Variants in NKAIN2 observed in about 807,000 individuals in gnomAD.
The protein encoded by NKAIN2 is sodium/potassium transporting ATPase interacting 2.
NKAIN2 carries 14 observed loss-of-function variants against 32.6 expected under a neutral mutation model. That is an observed-to-expected ratio of 0.43 (90% confidence interval 0.28 to 0.67). NKAIN2 has a LOEUF of 0.67. Among genes scored for constraint, NKAIN2 ranks in the 30% least tolerant of loss-of-function variants. The pLI is 0.17. For missense variants in NKAIN2, 198 were observed against 258.3 expected (o/e 0.77, Z 1.60); for synonymous variants, 80 against 87.2 (o/e 0.92, Z 0.46).
At chr6:124,044,840 T>G (rs962227568) in intron 1 of NKAIN2, among the ~76,000 whole-genome samples, 1 of 152,098 alleles carries the variant, frequency 6.6e-6, no homozygotes, top group African/African-American at 2.4e-5. Flanking sequence ...AGCTTGGAAT[T>G]TTCTTACTTG....
At chr6:124,285,713 C>G (rs1182145863) in intron 2 of NKAIN2, among the ~76,000 whole-genome samples, 2 of 152,110 alleles carry the variant, frequency 1.3e-5, no homozygotes, top group Non-Finnish European at 2.9e-5. Flanking sequence ...GGGCACCAAA[C>G]CCCCCACACA....
intron 1 of NKAIN2, among the ~76,000 whole-genome samples, chr6:124,111,147 G>A (rs1164893492): frequency 6.6e-6 from 1 of 152,038 alleles, no homozygotes; most frequent in East Asian, 1.9e-4. Context: ...GAAATACTCT[G>A]GAGAAAGATG....
At position 124,513,303 on chromosome 6, in the gene NKAIN2, C is replaced by T. The variant is rs567347662; in HGVS notation, c.274-144883C>T. On this transcript the variant is annotated intron_variant, in intron 3 of 6. Coordinates refer to ENST00000368417, the MANE Select transcript of NKAIN2 (RefSeq NM_001040214.3). ...AAATTAGGACTCTTATTAAAAAAGG[C>T]GGGTTCTCTTGAATTTTTTTCTTAC... is the stretch of plus-strand genomic sequence containing the variant. 7.2e-5 allele frequency among the ~76,000 whole-genome samples: 11 copies of T among 152,014 alleles called. No individual in the cohort carries two copies. The East Asian group carries it at 7.7e-4, about 11-fold the overall frequency.
chr6:123,889,625 A>G (rs1236038296), intron 1 of NKAIN2, among the ~76,000 whole-genome samples: 2 of 152,166 alleles, frequency 1.3e-5, no homozygotes, highest in Admixed American at 1.3e-4. Flanking sequence ...TATAAAAGAG[A>G]CTCAGAGAAA....
intron 1 of NKAIN2, among the ~76,000 whole-genome samples, chr6:124,144,987 C>T (rs913885988): frequency 1.1e-4 from 17 of 152,136 alleles, no homozygotes; most frequent in African/African-American, 4.1e-4. Flanking sequence ...GACATTTCAC[C>T]AGAGACAATA....
At chr6:124,297,381 ATATTTACTAT>A (rs1465491485) in intron 2 of NKAIN2, among the ~76,000 whole-genome samples, 1 of 152,210 alleles carries the variant, frequency 6.6e-6, no homozygotes, top group African/African-American at 2.4e-5. Context: ...AACAGAAAAC[ATATTTACTAT>A]TATGTAAAAG....
chr6:124,727,768 G>C (rs1443408793), intron 4 of NKAIN2, among the ~76,000 whole-genome samples: 4 of 107,016 alleles, frequency 3.7e-5, no homozygotes, highest in Non-Finnish European at 5.7e-5. Flanking sequence ...CTGGCAAATT[G>C]GATAAAGAGT....
intron 1 of NKAIN2, among the ~76,000 whole-genome samples, chr6:123,831,568 G>C (rs1774378649): frequency 6.6e-6 from 1 of 150,852 alleles, no homozygotes; most frequent in Non-Finnish European, 1.5e-5. Flanking sequence ...CCAAAATAAA[G>C]AGACAGGTAA....
At chr6:124,684,557 G>A (rs1018094519) in intron 4 of NKAIN2, among the ~76,000 whole-genome samples, 1 of 152,184 alleles carries the variant, frequency 6.6e-6, no homozygotes, top group African/African-American at 2.4e-5. Context: ...GATTAGGGGA[G>A]TGAATAGAGA....
intron 1 of NKAIN2, among the ~76,000 whole-genome samples, chr6:123,807,435 C>T (rs1773264832): frequency 6.6e-6 from 1 of 152,048 alleles, no homozygotes; most frequent in African/African-American, 2.4e-5. Context: ...GTCCTTAATA[C>T]TCAGAAACTG....
chr6:124,725,184 C>G (rs1776211306), intron 4 of NKAIN2, among the ~76,000 whole-genome samples: 1 of 152,224 alleles, frequency 6.6e-6, no homozygotes, highest in South Asian at 2.1e-4. Context: ...CTCATGCCCT[C>G]TATCACACAT....
chr6:124,738,975 C>G (rs182979560), intron 4 of NKAIN2, among the ~76,000 whole-genome samples: 124 of 151,954 alleles, frequency 8.2e-4, no homozygotes, highest in African/African-American at 2.9e-3. Flanking sequence ...CTTTTTAACT[C>G]TAATTCTGCT....
chr6:124,185,402 C>T (rs895609122), intron 1 of NKAIN2, among the ~76,000 whole-genome samples: 40 of 152,108 alleles, frequency 2.6e-4, no homozygotes, highest in African/African-American at 9.2e-4. Flanking sequence ...GGGACTTAAA[C>T]AGAAAACCAT....
intron 3 of NKAIN2, among the ~76,000 whole-genome samples, chr6:124,562,452 A>G (rs1468620736): frequency 1.3e-5 from 2 of 152,206 alleles, no homozygotes; most frequent in Non-Finnish European, 2.9e-5. Context: ...AAATATTGAA[A>G]GCTTTATCTG....
intron 3 of NKAIN2, among the ~76,000 whole-genome samples, chr6:124,441,119 A>G (rs1376083182): frequency 1.3e-5 from 2 of 152,108 alleles, no homozygotes; most frequent in Non-Finnish European, 2.9e-5. Flanking sequence ...AGTATATGAT[A>G]GAGCCGTGAA....
At chr6:124,344,967 T>G (rs1470478276) in intron 2 of NKAIN2, among the ~76,000 whole-genome samples, 30 of 152,226 alleles carry the variant, frequency 2.0e-4, no homozygotes, top group African/African-American at 7.0e-4. Context: ...TTGGCTGTGG[T>G]TTTGTCATAG....
chr6:123,962,881 A>G (rs1326054724), intron 1 of NKAIN2, among the ~76,000 whole-genome samples: 1 of 152,162 alleles, frequency 6.6e-6, no homozygotes, highest in Non-Finnish European at 1.5e-5. Flanking sequence ...AAGCCATGTC[A>G]AAACTGTCTG....
chr6:124,152,348 A>G (rs1164996533), intron 1 of NKAIN2, among the ~76,000 whole-genome samples: 1 of 151,970 alleles, frequency 6.6e-6, no homozygotes, highest in Middle Eastern at 3.2e-3. Flanking sequence ...GATCTAATTA[A>G]TACAGTTTCA....
rs190920860 is a variant in NKAIN2, at chr6:123,818,771, G to T, written c.54+14517G>T. On this transcript the variant is annotated intron_variant, in intron 1 of 6. Coordinates refer to ENST00000368417, the MANE Select transcript of NKAIN2 (RefSeq NM_001040214.3). ...TCTCTGGAAGAACCAGGCATTTCCG[G>T]CTTCATTTTTGTGTAGAGGAAATTC... Among the ~76,000 whole-genome samples the T allele has an allele frequency of 3.5e-4, 54 of 152,188 alleles. No individual in the cohort carries two copies. In the East Asian group the frequency reaches 8.9e-3, roughly 25 times the overall value.
Sources: gnomAD v4.1 joint callset for allele counts (sites outside exome capture counted in the v4.1 genomes callset) on GRCh38, gnomAD v4.1.1 for gene constraint, MANE v1.5 for transcripts, NCBI Gene and HGNC (gene_info 2026-07-23, HGNC 2026-07-21) for gene names.